The following MARCHF4 variants were observed in gnomAD, a reference collection of about 807,000 sequenced individuals.
The protein encoded by MARCHF4 is membrane associated ring-CH-type finger 4, also known as E3 ubiquitin-protein ligase MARCHF4.
MARCHF4 carries 14 observed loss-of-function variants against 43.9 expected under a neutral mutation model. That is an observed-to-expected ratio of 0.32 (90% CI 0.21 to 0.50). The LOEUF is 0.50. Ranked by LOEUF, MARCHF4 falls within the 20% of genes least tolerant of loss-of-function variation. MARCHF4 has a pLI of 0.98. For synonymous variants in MARCHF4, 226 were observed against 213.3 expected, an observed-to-expected ratio of 1.06 and a Z score of -0.52; for missense variants, 468 against 536.7, an observed-to-expected ratio of 0.87 and a Z score of 1.27.
At chr2:216,328,442 C>G (rs1692031026) in intron 1 of MARCHF4, among the ~76,000 whole-genome samples, 1 of 152,186 alleles carries the variant, frequency 6.6e-6, no homozygotes, top group African/African-American at 2.4e-5. Context: ...AGAGAAGAAA[C>G]TGAGGCTTAG....
At chr2:216,286,052 G>GC (rs1691214013) in intron 1 of MARCHF4, among the ~76,000 whole-genome samples, 1 of 152,160 alleles carries the variant, frequency 6.6e-6, no homozygotes. Flanking sequence ...GCTCATGGGA[G>GC]CCCCCTGAGC....
intron 1 of MARCHF4, among the ~76,000 whole-genome samples, chr2:216,320,666 TCTTTCTTTC>T (rs1379612272): frequency 0.01 from 1,180 of 113,142 alleles, 5 homozygotes; most frequent in African/African-American, 0.021. Flanking sequence ...TTTCTTTCTT[TCTTTCTTTC>T]TTTTTTTTTT....
chr2:216,286,409 T>C (rs1414435592), intron 1 of MARCHF4, among the ~76,000 whole-genome samples: 2 of 151,838 alleles, frequency 1.3e-5, no homozygotes, highest in East Asian at 3.9e-4. Flanking sequence ...CATGGTGGCA[T>C]GCTCCTAAAA....
At chr2:216,325,546 C>T (rs1469079442) in intron 1 of MARCHF4, among the ~76,000 whole-genome samples, 3 of 152,154 alleles carry the variant, frequency 2.0e-5, no homozygotes, top group Non-Finnish European at 2.9e-5. Context: ...GGAGGCATCA[C>T]ACTACCTGAC....
chr2:216,290,764 T>C (rs896696420), intron 1 of MARCHF4, among the ~76,000 whole-genome samples: 23 of 152,108 alleles, frequency 1.5e-4, no homozygotes, highest in African/African-American at 5.6e-4. Context: ...ATGGATTGGA[T>C]GTGGTAAGGA....
intron 1 of MARCHF4, among the ~76,000 whole-genome samples, chr2:216,331,226 T>C (rs1692077553): frequency 1.3e-5 from 2 of 152,118 alleles, no homozygotes; most frequent in African/African-American, 4.8e-5. Context: ...GACTATTACA[T>C]ATCCTTATGC....
chr2:216,280,903 A>C (rs1200504612), intron 2 of MARCHF4, among the ~76,000 whole-genome samples: 1 of 151,926 alleles, frequency 6.6e-6, no homozygotes, highest in Non-Finnish European at 1.5e-5. Context: ...ACATGTAACA[A>C]AGAGACAGTA....
At chr2:216,275,926 T>C (rs1023249161) in intron 3 of MARCHF4, among the ~76,000 whole-genome samples, 1 of 152,186 alleles carries the variant, frequency 6.6e-6, no homozygotes, top group Admixed American at 6.5e-5. Context: ...CCTGCTCCGT[T>C]AGCCTGGGTC....
intron 1 of MARCHF4, among the ~76,000 whole-genome samples, chr2:216,362,755 G>A (rs1692605042): frequency 6.6e-6 from 1 of 152,182 alleles, no homozygotes; most frequent in African/African-American, 2.4e-5. Flanking sequence ...ATTTCGTCAT[G>A]AGACAGTCAG....
At chr2:216,301,713 G>GA (rs1691495690) in intron 1 of MARCHF4, among the ~76,000 whole-genome samples, 1 of 152,224 alleles carries the variant, frequency 6.6e-6, no homozygotes, top group Non-Finnish European at 1.5e-5. Flanking sequence ...ATGAGACTAT[G>GA]AAAAACAAGA....
At chr2:216,316,767 T>C (rs1025510630) in intron 1 of MARCHF4, among the ~76,000 whole-genome samples, 15 of 152,080 alleles carry the variant, frequency 9.9e-5, no homozygotes, top group Admixed American at 4.6e-4. Flanking sequence ...AGGTCCAAGG[T>C]GTTGTCCAGA....
In MARCHF4 at chr2:216,305,408, C is replaced by T. The variant is rs558363217; in HGVS notation, c.517-21679G>A. Among the ~76,000 whole-genome samples the T allele has an allele frequency of 2.6e-4, 40 of 152,324 alleles. 1 individual carries two copies. The highest frequency in any genetic ancestry group is 6.8e-3 in the Middle Eastern group (2 of 294). On this transcript the variant is annotated intron_variant, in intron 1 of 3. Coordinates refer to ENST00000273067, the MANE Select transcript of MARCHF4 (RefSeq NM_020814.3). Reference sequence around the variant, plus strand: ...AATGCTCTTTTGCAGCGATTTCCTCCATCACCTGTCCCACCTCTGTCTTCT... The same window carrying T: ...AATGCTCTTTTGCAGCGATTTCCTCTATCACCTGTCCCACCTCTGTCTTCT...
At chr2:216,294,506 C>A (rs1691359921) in intron 1 of MARCHF4, among the ~76,000 whole-genome samples, 1 of 152,220 alleles carries the variant, frequency 6.6e-6, no homozygotes, top group Non-Finnish European at 1.5e-5. Context: ...CTGACTCTTA[C>A]AAAGCAAGAA....
At chr2:216,349,202 A>G (rs1037387093) in intron 1 of MARCHF4, among the ~76,000 whole-genome samples, 1 of 152,220 alleles carries the variant, frequency 6.6e-6, no homozygotes, top group Non-Finnish European at 1.5e-5. Context: ...AAGGGCTGAG[A>G]GAATGATGTA....
intron 1 of MARCHF4, among the ~76,000 whole-genome samples, chr2:216,284,063 G>A (rs911913627): frequency 1.3e-5 from 2 of 152,196 alleles, no homozygotes; most frequent in African/African-American, 4.8e-5. Flanking sequence ...CTGCAGAAGT[G>A]TCTCCGTAAA....
chr2:216,343,824 C>T (rs561989564), intron 1 of MARCHF4, among the ~76,000 whole-genome samples: 8 of 152,232 alleles, frequency 5.3e-5, no homozygotes, highest in African/African-American at 1.4e-4. Context: ...TAACTGAAGT[C>T]GGGGGACTTT....
At chr2:216,305,846 G>A (rs1161026805) in intron 1 of MARCHF4, among the ~76,000 whole-genome samples, 2 of 152,184 alleles carry the variant, frequency 1.3e-5, no homozygotes. Context: ...TCGGAGGAAT[G>A]ACATTACATA....
chr2:216,336,458 T>C (rs1692158425), intron 1 of MARCHF4, among the ~76,000 whole-genome samples: 3 of 152,172 alleles, frequency 2.0e-5, no homozygotes, highest in African/African-American at 7.2e-5. Flanking sequence ...GAAAACCTTC[T>C]TGCGCAGTAG....
At chr2:216,316,629 C>A (rs1325349338) in intron 1 of MARCHF4, among the ~76,000 whole-genome samples, 1 of 152,006 alleles carries the variant, frequency 6.6e-6, no homozygotes, top group African/African-American at 2.4e-5. Flanking sequence ...CCCCAAATCC[C>A]AAAATTATAC....
Sources: allele counts gnomAD v4.1 joint callset (sites outside exome capture counted in the v4.1 genomes callset), GRCh38; gene constraint gnomAD v4.1.1; transcripts MANE v1.5; gene names NCBI Gene and HGNC (gene_info 2026-07-23, HGNC 2026-07-21).